The following TENM3 variants were observed in gnomAD, a reference collection of about 807,000 sequenced individuals.
TENM3 encodes teneurin transmembrane protein 3.
Under a neutral mutation model 255.1 loss-of-function variants are expected in TENM3, and 63 were observed. That is an observed-to-expected ratio of 0.25 (90% CI 0.20 to 0.30). The LOEUF (loss-of-function observed/expected upper bound fraction) is 0.30, where lower values mean the gene tolerates loss of function less well. TENM3 is among the 10% of genes least tolerant of loss of function. TENM3 has a pLI of 1.00. For synonymous variants in TENM3, 1,306 were observed against 1,322.3 expected, an observed-to-expected ratio of 0.99 and a Z score of 0.27; for missense variants, 2,929 against 3,461.1, an observed-to-expected ratio of 0.85 and a Z score of 3.86.
At chr4:182,791,574 G>A (rs926963900) in intron 25 of TENM3, among the ~76,000 whole-genome samples, 1 of 152,130 alleles carries the variant, frequency 6.6e-6, no homozygotes, top group Non-Finnish European at 1.5e-5. Context: ...GATACAAATC[G>A]GATTTGGTAT....
the TENM3 span, among the ~76,000 whole-genome samples, chr4:181,802,612 A>C: frequency 6.6e-6 from 1 of 152,224 alleles, no homozygotes; most frequent in African/African-American, 2.4e-5. Flanking sequence ...TTTTGAGACT[A>C]TCTTGATGCA....
At chr4:182,601,444 A>G (rs1413102077) in intron 4 of TENM3, among the ~76,000 whole-genome samples, 1 of 151,900 alleles carries the variant, frequency 6.6e-6, no homozygotes, top group Non-Finnish European at 1.5e-5. Flanking sequence ...TCTACAAATT[A>G]TCAGGCATGT....
chr4:182,760,896 G>C (rs1472885062), intron 22 of TENM3, among the ~76,000 whole-genome samples: 1 of 152,206 alleles, frequency 6.6e-6, no homozygotes, highest in Non-Finnish European at 1.5e-5. Context: ...CAGCGCATGT[G>C]CTACGCCTAA....
the TENM3 span, among the ~76,000 whole-genome samples, chr4:181,966,577 C>A: frequency 6.6e-6 from 1 of 152,116 alleles, no homozygotes; most frequent in Non-Finnish European, 1.5e-5. Flanking sequence ...AAAATGCGAG[C>A]TGAAATCATC....
chr4:181,917,747 C>T, the TENM3 span, among the ~76,000 whole-genome samples: 3 of 151,350 alleles, frequency 2.0e-5, no homozygotes, highest in South Asian at 2.1e-4. Flanking sequence ...CTGAAACCTC[C>T]GCCTCCCAGG....
At chr4:181,789,089 T>A in the TENM3 span, among the ~76,000 whole-genome samples, 3 of 152,166 alleles carry the variant, frequency 2.0e-5, no homozygotes, top group African/African-American at 7.2e-5. Flanking sequence ...TGCTAGCCAC[T>A]GCACTAAGAC....
At chr4:182,795,887 G>A (rs1012046134) in intron 26 of TENM3, among the ~76,000 whole-genome samples, 1 of 152,238 alleles carries the variant, frequency 6.6e-6, no homozygotes, top group Non-Finnish European at 1.5e-5. Flanking sequence ...TCATAAAGCT[G>A]CAAGCCTGCT....
the TENM3 span, among the ~76,000 whole-genome samples, chr4:181,465,242 G>A: frequency 1.7e-4 from 26 of 150,818 alleles, no homozygotes; most frequent in Non-Finnish European, 2.2e-4. Flanking sequence ...TTCTTGAGTT[G>A]GGTAAACATG....
At chr4:182,795,554 A>G (rs1448130204) in intron 26 of TENM3, among the ~76,000 whole-genome samples, 21 of 152,222 alleles carry the variant, frequency 1.4e-4, no homozygotes, top group Admixed American at 1.4e-3. Flanking sequence ...TGCCTGGACG[A>G]ATGACCTGCC....
intron 3 of TENM3, among the ~76,000 whole-genome samples, chr4:182,396,506 T>C (rs967461930): frequency 6.6e-6 from 1 of 152,100 alleles, no homozygotes; most frequent in Non-Finnish European, 1.5e-5. Flanking sequence ...AAGCAAAAAA[T>C]AGCTATTATT....
At chr4:182,076,424 G>A in the TENM3 span, among the ~76,000 whole-genome samples, 2 of 151,792 alleles carry the variant, frequency 1.3e-5, no homozygotes, top group South Asian at 2.1e-4. Context: ...GGACGGTCTC[G>A]ATCACTTGAC....
intron 3 of TENM3, among the ~76,000 whole-genome samples, chr4:182,347,618 T>A (rs914538131): frequency 3.3e-5 from 2 of 60,788 alleles, no homozygotes; most frequent in African/African-American, 1.2e-4. Flanking sequence ...AAAAAAGTCT[T>A]TATAAATTAT....
chr4:181,641,550 G>GTATATATATATA, the TENM3 span, among the ~76,000 whole-genome samples: 6 of 49,042 alleles, frequency 1.2e-4, 1 homozygote, highest in African/African-American at 6.6e-4. Context: ...TCCATGGTGT[G>GTATATATATATA]TGTGTATATA....
intron 1 of TENM3, among the ~76,000 whole-genome samples, chr4:182,307,402 C>T (rs1397658287): frequency 1.3e-5 from 2 of 152,118 alleles, no homozygotes; most frequent in Non-Finnish European, 2.9e-5. Flanking sequence ...CCTTCTACAC[C>T]TCCTGGTTGC....
the TENM3 span, among the ~76,000 whole-genome samples, chr4:181,605,514 G>GA: frequency 5.7e-5 from 1 of 17,528 alleles, no homozygotes; most frequent in African/African-American, 1.4e-4. Flanking sequence ...AAGAAAGAAA[G>GA]AAAGAAAGAA....
the TENM3 span, among the ~76,000 whole-genome samples, chr4:182,058,292 G>C: frequency 6.6e-6 from 1 of 151,922 alleles, no homozygotes; most frequent in Non-Finnish European, 1.5e-5. Context: ...AATTGCATAG[G>C]AGAATCAAGA....
the TENM3 span, among the ~76,000 whole-genome samples, chr4:181,679,529 T>C: frequency 6.6e-6 from 1 of 152,148 alleles, no homozygotes; most frequent in African/African-American, 2.4e-5. Flanking sequence ...ATATGTTGTA[T>C]AGCACTGGAA....
chr4:181,784,147 A>G, the TENM3 span, among the ~76,000 whole-genome samples: 1 of 143,476 alleles, frequency 7.0e-6, no homozygotes, highest in Non-Finnish European at 1.5e-5. Flanking sequence ...CTCTAAATGG[A>G]AACGAGTCAT....
At chr4:182,543,581 C>G (rs568264328) in intron 3 of TENM3, among the ~76,000 whole-genome samples, 7 of 152,206 alleles carry the variant, frequency 4.6e-5, no homozygotes, top group Admixed American at 3.9e-4. Context: ...GGCATCTGTT[C>G]CCTTATCTTT....
Sources: allele counts gnomAD v4.1 joint callset (sites outside exome capture counted in the v4.1 genomes callset), GRCh38; gene constraint gnomAD v4.1.1; transcripts MANE v1.5; gene names NCBI Gene and HGNC (gene_info 2026-07-23, HGNC 2026-07-21).